UNC5B: variants seen among roughly 807,000 people sequenced by gnomAD.
UNC5B encodes netrin receptor UNC5B.
In UNC5B, 56 loss-of-function variants were observed where a neutral mutation model predicts 103.7. The ratio of observed to expected loss-of-function variants is 0.54; its 90% confidence interval spans 0.44 to 0.67. The LOEUF (loss-of-function observed/expected upper bound fraction) is 0.67. Among genes scored for constraint, UNC5B ranks in the 30% least tolerant of loss-of-function variants. The pLI, the probability that UNC5B is intolerant of heterozygous loss-of-function variation, is 0.00. For missense variants in UNC5B, 1,194 were observed against 1,284.5 expected (o/e 0.93, Z 1.08); for synonymous variants, 577 against 542.0 (o/e 1.06, Z -0.90).
At chr10:71,243,446 A>C (rs1341639637) in intron 1 of UNC5B, among the ~76,000 whole-genome samples, 1 of 152,176 alleles carries the variant, frequency 6.6e-6, no homozygotes, top group Non-Finnish European at 1.5e-5. Context: ...GCTATTGAGC[A>C]CTGGAAATAT....
chr10:71,287,310 CCCA>C (rs1845114268), intron 5 of UNC5B, among the ~76,000 whole-genome samples: 1 of 152,108 alleles, frequency 6.6e-6, no homozygotes, highest in Non-Finnish European at 1.5e-5. Flanking sequence ...GTCCCAGGCC[CCCA>C]TCACTCCCAG....
chr10:71,278,151 C>A (rs1462202269), intron 1 of UNC5B, among the ~76,000 whole-genome samples: 1 of 152,252 alleles, frequency 6.6e-6, no homozygotes, highest in Non-Finnish European at 1.5e-5. Context: ...ACATACCTTA[C>A]AGGGTTGGTG....
chr10:71,216,971 C>T (rs1427317920), intron 1 of UNC5B, among the ~76,000 whole-genome samples: 1 of 152,264 alleles, frequency 6.6e-6, no homozygotes, highest in Middle Eastern at 3.2e-3. Flanking sequence ...AGTTTGGAGG[C>T]CACTGCCGCC....
intron 13 of UNC5B, among the ~76,000 whole-genome samples, chr10:71,294,993 C>T (rs1457933690): frequency 6.6e-6 from 1 of 152,214 alleles, no homozygotes; most frequent in Admixed American, 6.5e-5. Flanking sequence ...CTGCCCTCCT[C>T]AGCGCCTCAT....
At chr10:71,215,027 C>A (rs1843303726) in intron 1 of UNC5B, among the ~76,000 whole-genome samples, 1 of 152,204 alleles carries the variant, frequency 6.6e-6, no homozygotes. Flanking sequence ...CGGCCTGCAG[C>A]CTTCTCATTG....
chr10:71,262,161 G>A (rs566024354), intron 1 of UNC5B, among the ~76,000 whole-genome samples: 2 of 152,294 alleles, frequency 1.3e-5, no homozygotes, highest in East Asian at 3.9e-4. Flanking sequence ...GAGTGGGGCA[G>A]GAGGGAGTCT....
In UNC5B at chr10:71,213,681, T is replaced by TATTATC. The variant is rs1784847265; in HGVS notation, c.79+622_79+623insCATTAT. Among the ~76,000 whole-genome samples the TATTATC allele has an allele frequency of 7.9e-6, 1 of 126,484 alleles. No homozygotes were observed. Among genetic ancestry groups the TATTATC allele is most frequent in the Non-Finnish European group, 1.8e-5 (1 of 55,846 alleles). 83.0% of individuals were successfully genotyped at this position (126,484 alleles called of 152,430 possible). A position where few individuals can be genotyped will look rare whatever the true frequency, so the allele number is the denominator to read the frequency against. ...GGGCCCGCAGGTCTGGAAGAATTATTATTATTATTATTATTATTATTATTA... is the reference window on the plus strand; with the variant it reads ...GGGCCCGCAGGTCTGGAAGAATTATTATTATCATTATTATTATTATTATTATTATTA... On this transcript the variant is annotated intron_variant, in intron 1 of 16. Coordinates refer to ENST00000335350, the MANE Select transcript of UNC5B (RefSeq NM_170744.5). The surrounding 1 kb of genome is among the most constrained non-coding windows in gnomAD (Gnocchi z 4.1).
intron 1 of UNC5B, among the ~76,000 whole-genome samples, chr10:71,254,148 A>T (rs568895025): frequency 6.6e-6 from 1 of 152,320 alleles, no homozygotes; most frequent in South Asian, 2.1e-4. Flanking sequence ...CCCCTATAGC[A>T]GGTGGTTATG....
intron 1 of UNC5B, among the ~76,000 whole-genome samples, chr10:71,273,554 C>T (rs1220104203): frequency 6.6e-6 from 1 of 152,218 alleles, no homozygotes; most frequent in Non-Finnish European, 1.5e-5. Context: ...ATTCCTTCGC[C>T]TCCTGGGCCC....
At chr10:71,236,433 G>C (rs940107902) in intron 1 of UNC5B, among the ~76,000 whole-genome samples, 1 of 152,210 alleles carries the variant, frequency 6.6e-6, no homozygotes, top group Non-Finnish European at 1.5e-5. Context: ...CCTGGAGCCA[G>C]AGGGCTGAGG....
chr10:71,280,119 A>G, intron 2 of UNC5B, 74 bp downstream of exon 2: 1 of 1,488,294 alleles, frequency 6.7e-7, no homozygotes. Flanking sequence ...TCCATGTGAG[A>G]CTTCACACAG....
In UNC5B at chr10:71,291,459, T is replaced by C. The variant is rs1845253704; in HGVS notation, c.1322T>C (p.Val441Ala). 9.9e-6 allele frequency: 16 copies of C among 1,612,770 alleles called. No individual in the cohort carries two copies. The East Asian group carries it at 3.6e-4, about 36-fold the overall frequency. ...AACCCGCAGCTCCTACACCCCTCTG[T>C]GCCTCCTGACCTGACAGCCAGCGCC... ...PSNPQLLHPS[V>A]PPDLTASAGI... Residue 441 changes from valine (V) to alanine (A), a missense_variant, in exon 10 of 17, where the codon GTG (valine) becomes GCG (alanine). Coordinates refer to ENST00000335350, the MANE Select transcript of UNC5B (RefSeq NM_170744.5).
intron 1 of UNC5B, among the ~76,000 whole-genome samples, chr10:71,246,207 T>C (rs1844030767): frequency 6.6e-6 from 1 of 152,184 alleles, no homozygotes; most frequent in Non-Finnish European, 1.5e-5. Flanking sequence ...AGGAGTTCAT[T>C]CGTCAACAAG....
At chr10:71,262,576 C>T (rs1844438123) in intron 1 of UNC5B, among the ~76,000 whole-genome samples, 1 of 152,192 alleles carries the variant, frequency 6.6e-6, no homozygotes, top group South Asian at 2.1e-4. Flanking sequence ...TACTGTGTGC[C>T]AGGCTGGCAC....
chr10:71,233,531 G>A (rs923269830), intron 1 of UNC5B, among the ~76,000 whole-genome samples: 1 of 151,972 alleles, frequency 6.6e-6, no homozygotes, highest in Non-Finnish European at 1.5e-5. Context: ...CCTTCCCTCT[G>A]CCTCCCCACT....
intron 16 of UNC5B, 52 bp from the exon 17 acceptor site, chr10:71,299,060 C>T (rs767077600): frequency 1.6e-5 from 25 of 1,603,932 alleles, no homozygotes; most frequent in Admixed American, 3.4e-5. Context: ...CTCCAGGCTC[C>T]GGGGAGGGGC....
intron 1 of UNC5B, among the ~76,000 whole-genome samples, chr10:71,221,500 C>G (rs1402881875): frequency 6.6e-6 from 1 of 152,208 alleles, no homozygotes; most frequent in East Asian, 1.9e-4. Flanking sequence ...TATCAGAACA[C>G]CAGCCCACCC....
chr10:71,217,907 C>CT (rs1209847110), intron 1 of UNC5B: 1 of 152,358 alleles, frequency 6.6e-6, no homozygotes, highest in Admixed American at 6.5e-5. Context: ...CCCGGGAGCT[C>CT]TAACGCCACC....
chr10:71,279,767 G>A (rs1405634873), intron 1 of UNC5B, 54 bp from the exon 2 acceptor site: 7 of 1,561,408 alleles, frequency 4.5e-6, no homozygotes, highest in Middle Eastern at 2.2e-4. Context: ...GGCGAGGGGT[G>A]CCACAGGGCC....
Sources: gnomAD v4.1 joint callset for allele counts (sites outside exome capture counted in the v4.1 genomes callset) on GRCh38, gnomAD v4.1.1 for gene constraint, Gnocchi (gnomAD v3.1) non-coding constraint, MANE v1.5 for transcripts, NCBI Gene and HGNC (gene_info 2026-07-23, HGNC 2026-07-21) for gene names.